ELK3: variants seen among roughly 807,000 people sequenced by gnomAD.
ELK3 encodes ETS domain-containing protein Elk-3.
Under a neutral mutation model 28.9 loss-of-function variants are expected in ELK3, and 10 were observed. That is an observed-to-expected ratio of 0.35 (90% CI 0.21 to 0.59). ELK3 has a LOEUF of 0.59. Ranked by LOEUF, ELK3 falls within the 20% of genes least tolerant of loss-of-function variation. The probability of loss-of-function intolerance (pLI) is 0.82; values close to 1 mark genes in which losing one functional copy is unlikely to be tolerated. For synonymous variants in ELK3, 272 were observed against 243.5 expected, an observed-to-expected ratio of 1.12 and a Z score of -1.09; for missense variants, 463 against 517.3, an observed-to-expected ratio of 0.90 and a Z score of 1.02.
At chr12:96,239,524 C>T (rs1367542282) in intron 2 of ELK3, among the ~76,000 whole-genome samples, 1 of 152,224 alleles carries the variant, frequency 6.6e-6, no homozygotes, top group African/African-American at 2.4e-5. Flanking sequence ...TCCTGCAAGG[C>T]AGCTGTGTGT....
chr12:96,198,710 AT>A (rs1399606676), intron 1 of ELK3, among the ~76,000 whole-genome samples: 2 of 152,224 alleles, frequency 1.3e-5, no homozygotes, highest in East Asian at 1.9e-4. Context: ...CTATAAAAAA[AT>A]AGACATCTCC....
intron 3 of ELK3, among the ~76,000 whole-genome samples, chr12:96,254,051 C>A (rs894882079): frequency 6.6e-6 from 1 of 152,176 alleles, no homozygotes; most frequent in South Asian, 2.1e-4. Flanking sequence ...AGAGGCTGGG[C>A]GCAGTGGCTC....
intron 1 of ELK3, among the ~76,000 whole-genome samples, chr12:96,219,761 C>G (rs1042309477): frequency 6.6e-6 from 1 of 152,118 alleles, no homozygotes; most frequent in Admixed American, 6.5e-5. Context: ...TTTGTAGATG[C>G]AATGATAAGC....
chr12:96,269,269 GA>G lies in ELK3; in HGVS notation c.*2090del, dbSNP rs1418062271. 6.6e-6 allele frequency: 1 copy of G among 152,152 alleles called. No individual in the cohort carries two copies. Among genetic ancestry groups the G allele is most frequent in the Non-Finnish European group, 1.5e-5 (1 of 67,998 alleles). 9.4% of individuals were successfully genotyped at this position (152,152 alleles called of 1,614,324 possible). Reference sequence around the variant, plus strand: ...CATTTAAAACTGTGTTGTCAGATAAGAGAACACATCCAAAATGCATGATTCT... The same window carrying G: ...CATTTAAAACTGTGTTGTCAGATAAGGAACACATCCAAAATGCATGATTCT... On this transcript the variant is annotated 3_prime_UTR_variant, in exon 5 of 5. Transcript: ENST00000228741.
chr12:96,246,370 A>G (rs909771363), intron 2 of ELK3, among the ~76,000 whole-genome samples: 1 of 152,246 alleles, frequency 6.6e-6, no homozygotes, highest in Admixed American at 6.5e-5. Flanking sequence ...TAAAGGCTTC[A>G]TAAATGGCAG....
At chr12:96,227,038 G>A (rs577794374) in intron 2 of ELK3, among the ~76,000 whole-genome samples, 4 of 152,288 alleles carry the variant, frequency 2.6e-5, no homozygotes, top group East Asian at 1.9e-4. Context: ...GTCTGTGACC[G>A]TTTTCGACTC....
In ELK3 at chr12:96,246,980, A is replaced by G. The variant is rs1341725986; in HGVS notation, c.248A>G (p.Lys83Arg). 1.9e-6 allele frequency: 3 copies of G among 1,611,344 alleles called. No homozygotes were observed. The highest frequency in any genetic ancestry group is 2.2e-5 in the South Asian group (2 of 90,680). ...KKVIGQKFVY[K>R]FVSFPEILKM... is the part of the protein sequence containing the mutation. ...GTGATCGGGCAGAAGTTTGTGTACA[A>G]GTTTGTCTCTTTCCCGGAGATCCTG... Residue 83 changes from lysine (K) to arginine (R), a missense_variant, in exon 3 of 5, where the codon AAG becomes AGG. Lys to Arg is a conservative substitution (Grantham distance 26). Coordinates refer to ENST00000228741, the MANE Select transcript of ELK3 (RefSeq NM_005230.4).
At chr12:96,266,548 AG>A (rs1332158225) in intron 4 of ELK3, among the ~76,000 whole-genome samples, 1 of 152,106 alleles carries the variant, frequency 6.6e-6, no homozygotes, top group African/African-American at 2.4e-5. Flanking sequence ...ATACTTTCTT[AG>A]CTCCAAAATA....
At chr12:96,241,088 G>C (rs1410926050) in intron 2 of ELK3, among the ~76,000 whole-genome samples, 3 of 152,164 alleles carry the variant, frequency 2.0e-5, no homozygotes, top group South Asian at 4.1e-4. Context: ...CAGCAAAGAA[G>C]AACAAGCAGG....
chr12:96,241,758 A>C (rs543769523), intron 2 of ELK3, among the ~76,000 whole-genome samples: 16 of 152,300 alleles, frequency 1.1e-4, no homozygotes, highest in African/African-American at 3.8e-4. Flanking sequence ...CTACTACTGC[A>C]TTCTCAAAAT....
At chr12:96,266,890 T>A (rs1196403809) in intron 4 of ELK3, among the ~76,000 whole-genome samples, 192 bp from the exon 5 acceptor site, 1 of 152,252 alleles carries the variant, frequency 6.6e-6, no homozygotes, top group Non-Finnish European at 1.5e-5. Flanking sequence ...GGCCTTATCC[T>A]TTGTTTGCTC....
chr12:96,218,209 G>C (rs1951633985), intron 1 of ELK3, among the ~76,000 whole-genome samples: 1 of 152,152 alleles, frequency 6.6e-6, no homozygotes, highest in Non-Finnish European at 1.5e-5. Context: ...AATGGTGAGA[G>C]ACCAGCCAGA....
At chr12:96,210,561 G>GCGCGCACACA (rs1555193024) in intron 1 of ELK3, among the ~76,000 whole-genome samples, 1 of 144,750 alleles carries the variant, frequency 6.9e-6, no homozygotes, top group Non-Finnish European at 1.5e-5. Flanking sequence ...GCGCGCGGGC[G>GCGCGCACACA]CACGCACACA....
intron 1 of ELK3, among the ~76,000 whole-genome samples, chr12:96,195,945 A>C (rs1182339271): frequency 3.9e-4 from 13 of 33,538 alleles, no homozygotes; most frequent in African/African-American, 1.5e-3. Context: ...CCCCCACCCC[A>C]GTCCTCCAGC....
chr12:96,267,083 T>C lies in ELK3; in HGVS notation c.1127T>C (p.Phe376Ser). ...RLQGPSTLFQ[F>S]PTLLNGHMPV... ...GTAAAAATCTTTTGTCCCCTACAGT[T>C]CCCCACACTGCTTAATGGCCACATG... The change falls in exon 5 of 5, where the codon TTC becomes TCC. Residue 376 changes from phenylalanine (F) to serine (S), a missense_variant and splice_region_variant. This residue lies in a region of ELK3 where 408 missense variants were observed against 414.8 expected (regional missense o/e 0.98). Transcript: ENST00000228741. The C allele has an allele frequency of 6.2e-7, 1 of 1,612,300 alleles. No individual in the cohort carries two copies. The highest frequency in any genetic ancestry group is 1.3e-5 in the African/African-American group (1 of 74,972).
intron 1 of ELK3, among the ~76,000 whole-genome samples, chr12:96,213,596 A>G (rs944027786): frequency 2.0e-5 from 3 of 152,224 alleles, no homozygotes; most frequent in Non-Finnish European, 2.9e-5. Flanking sequence ...TGACAAACCA[A>G]TTGAGTTACT....
intron 3 of ELK3, among the ~76,000 whole-genome samples, chr12:96,259,521 G>C (rs1565792907): frequency 6.6e-6 from 1 of 152,186 alleles, no homozygotes; most frequent in Non-Finnish European, 1.5e-5. Context: ...ACTCCAGCCT[G>C]GGTGACAGAG....
intron 2 of ELK3, among the ~76,000 whole-genome samples, chr12:96,227,848 T>C (rs1951714850): frequency 6.6e-6 from 1 of 152,060 alleles, no homozygotes; most frequent in African/African-American, 2.4e-5. Context: ...GTGGGTATAA[T>C]AGTAGAGTCT....
chr12:96,213,727 TTTTTTGTTTTG>T (rs1187041616), intron 1 of ELK3: 1 of 152,202 alleles, frequency 6.6e-6, no homozygotes, highest in Non-Finnish European at 1.5e-5. Context: ...ATCTCTCTTT[TTTTTTGTTTTG>T]TTTTTGAGAC....
Sources: gnomAD v4.1 joint callset for allele counts (sites outside exome capture counted in the v4.1 genomes callset) on GRCh38, gnomAD v4.1.1 for gene constraint, gnomAD v4.1.1 regional missense constraint, MANE v1.5 for transcripts, NCBI Gene and HGNC (gene_info 2026-07-23, HGNC 2026-07-21) for gene names.